Variants in ZFYVE16 observed in about 807,000 individuals in gnomAD.
ZFYVE16 encodes zinc finger FYVE-type containing 16.
In ZFYVE16, 89 loss-of-function variants were observed where a neutral mutation model predicts 138.1. That is an observed-to-expected ratio of 0.64 (90% CI 0.54 to 0.77). ZFYVE16 has a LOEUF of 0.77. Ranked by LOEUF, ZFYVE16 falls within the 30% of genes least tolerant of loss-of-function variation. The probability of loss-of-function intolerance (pLI) is 0.00; values close to 1 mark genes in which losing one functional copy is unlikely to be tolerated. For missense variants in ZFYVE16, 1,793 were observed against 1,786.7 expected, an observed-to-expected ratio of 1.00 and a Z score of -0.06; for synonymous variants, 596 against 618.3, an observed-to-expected ratio of 0.96 and a Z score of 0.53.
At chr5:80,435,322 C>G (rs1331998909) in intron 3 of ZFYVE16, among the ~76,000 whole-genome samples, 2 of 152,170 alleles carry the variant, frequency 1.3e-5, no homozygotes, top group Non-Finnish European at 2.9e-5. Context: ...CCTGAGCCAC[C>G]AGGCCCGGCC....
chr5:80,425,566 T>C lies in ZFYVE16; in HGVS notation c.-93-1926T>C, dbSNP rs191290661. ...ATTTTTAAAAAGTAAGAGTTTGCAA[T>C]GGATTGGAGGTGTAAGAAAAATATT... On this transcript the variant is annotated intron_variant, in intron 1 of 18. Transcript: ENST00000505560. Among the ~76,000 whole-genome samples the C allele has an allele frequency of 2.4e-3, 358 of 152,322 alleles. 2 individuals are homozygous for C. The highest frequency in any genetic ancestry group is 8.4e-3 in the African/African-American group (351 of 41,572).
chr5:80,408,082 C>A lies in ZFYVE16; in HGVS notation c.-165C>A, dbSNP rs577107638. 6.6e-6 allele frequency: 1 copy of A among 152,270 alleles called. No individual in the cohort carries two copies. The highest frequency in any genetic ancestry group is 1.5e-5 in the Non-Finnish European group (1 of 68,072). The allele number at this position is 152,270 out of a possible 1,614,324, so 9.4% of individuals were successfully genotyped here. On this transcript the variant is annotated 5_prime_UTR_variant, in exon 1 of 19. Transcript: ENST00000505560. ...ATCTGGCACTCCCAGGACTCCCGGC[C>A]GGGGTAGCTCTTCACTCCTCAGCGC... is the stretch of plus-strand genomic sequence containing the variant.
In ZFYVE16 at chr5:80,440,002, T is replaced by C; in HGVS notation, c.2389T>C (p.Cys797Arg). 1 of 1,611,224 alleles carries C rather than the reference T, an allele frequency of 6.2e-7. No individual in the cohort carries two copies. Among genetic ancestry groups the C allele is most frequent in the Non-Finnish European group, 8.5e-7 (1 of 1,178,596 alleles). ...ATATCTAGAAAAGGAAGCAAGAGTA[T>C]GTGTAGTCTGCTATGAAACTATTAG... ...LQYLEKEARV[C>R]VVCYETISKA... Residue 797 changes from cysteine (C) to arginine (R), a missense_variant, in exon 5 of 19, where the codon TGT becomes CGT. Physicochemically the swap from Cys to Arg is radical, Grantham distance 180. This residue lies in a region of ZFYVE16 where 1,295 missense variants were observed against 1,204.3 expected (regional missense o/e 1.08). Coordinates refer to ENST00000505560, the MANE Select transcript of ZFYVE16 (RefSeq NM_001284236.3).
At chr5:80,476,067 C>A (rs919559937) in intron 18 of ZFYVE16, among the ~76,000 whole-genome samples, 2 of 152,218 alleles carry the variant, frequency 1.3e-5, no homozygotes, top group East Asian at 1.9e-4. Context: ...CCTCAGCCTC[C>A]CGAGTAGCTG....
chr5:80,441,850 G>A (rs194539), intron 5 of ZFYVE16: 697,382 of 985,028 alleles, frequency 0.71, 252,700 homozygotes, highest in East Asian at 0.86. Context: ...TAGCAGATCA[G>A]TTTGGAGAAA....
chr5:80,437,466 A>G lies in ZFYVE16; in HGVS notation c.781A>G (p.Lys261Glu). Residue 261 changes from lysine to glutamate, a missense_variant, in exon 4 of 19, where the codon AAG (lysine) becomes GAG (glutamate). Lys to Glu is a moderately conservative substitution (Grantham distance 56, BLOSUM62 1). Around this residue, in one of 2 missense-constraint regions of ZFYVE16, gnomAD observed 1,295 missense variants for 1,204.3 expected, o/e 1.08. Coordinates refer to ENST00000505560, the MANE Select transcript of ZFYVE16 (RefSeq NM_001284236.3). ...QSSKMFHAKD[K>E]LQHKSQPCGL... ...TTCCAAAATGTTTCATGCCAAAGAC[A>G]AGCTACAACACAAGAGCCAGCCATG... is the stretch of plus-strand genomic sequence containing the variant. 6.2e-7 allele frequency: 1 copy of G among 1,603,354 alleles called. No homozygotes were observed. Among genetic ancestry groups the G allele is most frequent in the Non-Finnish European group, 8.5e-7 (1 of 1,175,508 alleles).
chr5:80,470,090 TGTGTGTGTGTA>T (rs1754178257), intron 15 of ZFYVE16, among the ~76,000 whole-genome samples: 1 of 66,576 alleles, frequency 1.5e-5, no homozygotes, highest in African/African-American at 4.0e-5. Flanking sequence ...TGTGTGTGTG[TGTGTGTGTGTA>T]TTTTTTTTTT....
In ZFYVE16 at chr5:80,480,866, G is replaced by A. The variant is rs115677364; in HGVS notation, c.*3489G>A. Among the ~76,000 whole-genome samples the A allele has an allele frequency of 0.061, 9,207 of 152,134 alleles. 502 individuals carry two copies. The highest frequency in any genetic ancestry group is 0.14 in the African/African-American group (5,898 of 41,452). On this transcript the variant is annotated 3_prime_UTR_variant, in exon 19 of 19. Coordinates refer to ENST00000505560, the MANE Select transcript of ZFYVE16 (RefSeq NM_001284236.3). ...GCCCAGGAGGTTAAGGCTCCAGTGA[G>A]CTGTGATCGTGCAACAGAGCAAAAC...
At chr5:80,419,643 C>T (rs1382903619) in intron 1 of ZFYVE16, among the ~76,000 whole-genome samples, 1 of 152,084 alleles carries the variant, frequency 6.6e-6, no homozygotes, top group Non-Finnish European at 1.5e-5. Context: ...TCCCAGAGTG[C>T]TGGGATTACT....
chr5:80,441,826 A>C lies in ZFYVE16; in HGVS notation c.2420-1297A>C, dbSNP rs578203314. The C allele has an allele frequency of 1.2e-5, 12 of 985,428 alleles. No individual in the cohort carries two copies. The African/African-American group carries it at 1.6e-4, about 13-fold the overall frequency. 61.0% of individuals were successfully genotyped at this position (985,428 alleles called of 1,614,324 possible). ...GGCACTTGAGGAAGATTGTTTTAGC[A>C]GTGGCAGCATTGATAGCAGATCAGT... On this transcript the variant is annotated intron_variant, in intron 5 of 18. Coordinates refer to ENST00000505560, the MANE Select transcript of ZFYVE16 (RefSeq NM_001284236.3).
At chr5:80,457,360 T>C (rs559785062) in intron 14 of ZFYVE16, among the ~76,000 whole-genome samples, 1 of 152,340 alleles carries the variant, frequency 6.6e-6, no homozygotes, top group South Asian at 2.1e-4. Context: ...GAGTCTTTCT[T>C]TGAGTAATTT....
chr5:80,436,821 G>T lies in ZFYVE16; in HGVS notation c.136G>T (p.Glu46Ter). The T allele has an allele frequency of 6.2e-7, 1 of 1,614,128 alleles. No individual in the cohort carries two copies. The highest frequency in any genetic ancestry group is 8.5e-7 in the Non-Finnish European group (1 of 1,180,016). The change falls in exon 4 of 19, where the codon GAG (glutamate) becomes TAG (stop). Residue 46 changes from glutamate to a stop codon, truncating the protein, a stop_gained. Coordinates refer to ENST00000505560, the MANE Select transcript of ZFYVE16 (RefSeq NM_001284236.3). LOFTEE classifies it high-confidence loss of function. The stretch of plus-strand genomic sequence containing the variant: ...TTCTAACCACTGCTCAGTTTCTTCA[G>T]AGTTGGCTTCCTCACAGCGAACTTC... ...YDSNHCSVSS[E>*]LASSQRTSLL...
At chr5:80,443,068 G>T (rs952366372) in intron 5 of ZFYVE16, 55 bp from the exon 6 acceptor site, 8 of 1,410,764 alleles carry the variant, frequency 5.7e-6, no homozygotes, top group South Asian at 3.0e-5. Flanking sequence ...AATTTACTTT[G>T]AAGTAAATTC....
chr5:80,443,926 T>C (rs900674505), intron 6 of ZFYVE16: 7 of 439,804 alleles, frequency 1.6e-5, no homozygotes, highest in Non-Finnish European at 2.8e-5. Flanking sequence ...AATAGGTAAA[T>C]AATTGTTCTA....
In ZFYVE16 at chr5:80,477,813, T is replaced by G. The variant is rs1366300624; in HGVS notation, c.*436T>G. On this transcript the variant is annotated 3_prime_UTR_variant, in exon 19 of 19. Coordinates refer to ENST00000505560, the MANE Select transcript of ZFYVE16 (RefSeq NM_001284236.3). The stretch of plus-strand genomic sequence containing the variant: ...GTTTCTAAAGTCTGTCAAATTGTAT[T>G]TCAGTGGCACAAAAACCAGTTTTGA... The G allele has an allele frequency of 6.6e-6, 1 of 152,406 alleles. No individual in the cohort carries two copies. Among genetic ancestry groups the G allele is most frequent in the Non-Finnish European group, 1.5e-5 (1 of 68,190 alleles). The allele number at this position is 152,406 out of a possible 1,614,324, so 9.4% of individuals were successfully genotyped here. A position where few individuals can be genotyped will look rare whatever the true frequency, so the allele number is the denominator to read the frequency against.
At chr5:80,456,681 A>G (rs906340630) in intron 13 of ZFYVE16, 116 bp downstream of exon 13, 5 of 934,900 alleles carry the variant, frequency 5.3e-6, no homozygotes, top group Non-Finnish European at 7.9e-6. Flanking sequence ...ATGGCAACAA[A>G]CATTGTTTTT....
chr5:80,441,112 A>T, intron 5 of ZFYVE16: 1 of 985,460 alleles, frequency 1.0e-6, no homozygotes, highest in Non-Finnish European at 1.2e-6. Flanking sequence ...GTAGCCTAGA[A>T]GATGACTGCT....
intron 14 of ZFYVE16, 120 bp downstream of exon 14, chr5:80,457,212 G>T: frequency 7.2e-7 from 1 of 1,384,410 alleles, no homozygotes; most frequent in Non-Finnish European, 9.7e-7. Flanking sequence ...AAAACAATAT[G>T]TTTTGAAATT....
chr5:80,474,301 C>G (rs1278130780), intron 17 of ZFYVE16, among the ~76,000 whole-genome samples: 1 of 151,994 alleles, frequency 6.6e-6, no homozygotes, highest in Non-Finnish European at 1.5e-5. Context: ...ATATTTATTT[C>G]TTATGCATTC....
Sources: allele counts gnomAD v4.1 joint callset (sites outside exome capture counted in the v4.1 genomes callset), GRCh38; gene constraint gnomAD v4.1.1; regional missense constraint gnomAD v4.1.1; transcripts MANE v1.5; gene names NCBI Gene and HGNC (gene_info 2026-07-23, HGNC 2026-07-21).